Variants in MYOF observed in about 807,000 individuals in gnomAD.
MYOF encodes fer-1-like 3, myoferlin.
Under a neutral mutation model 284.2 loss-of-function variants are expected in MYOF, and 244 were observed. The observed-to-expected ratio is 0.86, with a 90% confidence interval of 0.77 to 0.95. The LOEUF is 0.95. Among genes scored for constraint, MYOF ranks in the 40% least tolerant of loss-of-function variants. The pLI is 0.00. For missense variants in MYOF, 2,496 were observed against 2,560.6 expected, an observed-to-expected ratio of 0.97 and a Z score of 0.54; for synonymous variants, 904 against 919.7, an observed-to-expected ratio of 0.98 and a Z score of 0.31.
intron 3 of MYOF, among the ~76,000 whole-genome samples, chr10:93,450,264 C>T (rs1216945040): frequency 6.6e-6 from 1 of 152,166 alleles, no homozygotes; most frequent in East Asian, 1.9e-4. Flanking sequence ...TGGTGGCACA[C>T]GCCTGTAGTC....
chr10:93,462,344 A>T (rs1189492391), intron 1 of MYOF, among the ~76,000 whole-genome samples: 4 of 152,182 alleles, frequency 2.6e-5, no homozygotes, highest in Non-Finnish European at 5.9e-5. Flanking sequence ...TGCTGGGATT[A>T]CAGGCGTGAG....
At chr10:93,361,915 T>A (rs192222617) in intron 27 of MYOF, among the ~76,000 whole-genome samples, 3 of 152,324 alleles carry the variant, frequency 2.0e-5, no homozygotes, top group Admixed American at 2.0e-4. Flanking sequence ...ATAGAACCCA[T>A]CAGAGAATGG....
intron 23 of MYOF, 49 bp downstream of exon 23, chr10:93,374,714 G>A: frequency 6.4e-7 from 1 of 1,559,162 alleles, no homozygotes; most frequent in Non-Finnish European, 8.7e-7. Flanking sequence ...CCATTTCGCA[G>A]AGCCCTTCTT....
At chr10:93,357,956 C>G (rs1844890314) in intron 29 of MYOF, among the ~76,000 whole-genome samples, 1 of 152,050 alleles carries the variant, frequency 6.6e-6, no homozygotes, top group Admixed American at 6.6e-5. Flanking sequence ...AATAGAGAGA[C>G]ATTCATTAAA....
chr10:93,418,852 A>G (rs970145480), intron 5 of MYOF, among the ~76,000 whole-genome samples: 3 of 152,196 alleles, frequency 2.0e-5, no homozygotes, highest in Non-Finnish European at 4.4e-5. Context: ...ATTTTCCTAA[A>G]TATCCTAGAG....
At chr10:93,384,676 T>C (rs188762984) in intron 19 of MYOF, among the ~76,000 whole-genome samples, 1 of 151,400 alleles carries the variant, frequency 6.6e-6, no homozygotes, top group East Asian at 1.9e-4. Context: ...GAATGTAAGT[T>C]GTAGTCTATT....
chr10:93,346,098 A>G (rs565943764), intron 37 of MYOF, among the ~76,000 whole-genome samples: 4 of 152,364 alleles, frequency 2.6e-5, no homozygotes, highest in African/African-American at 9.6e-5. Context: ...CTGCAATTAC[A>G]ACAATCCTTG....
intron 52 of MYOF, 49 bp from the exon 53 acceptor site, chr10:93,310,216 T>A (rs374361965): frequency 1.3e-6 from 2 of 1,593,412 alleles, no homozygotes; most frequent in African/African-American, 2.7e-5. Context: ...GAGGGATGCA[T>A]ATTTTATTCC....
chr10:93,351,914 C>T, intron 32 of MYOF, 68 bp from the exon 33 acceptor site: 2 of 1,364,750 alleles, frequency 1.5e-6, no homozygotes, highest in South Asian at 2.7e-5. Context: ...CCACTCAGTG[C>T]AACCATATTC....
intron 5 of MYOF, 67 bp downstream of exon 5, chr10:93,426,004 C>G (rs747859430): frequency 1.5e-4 from 226 of 1,469,458 alleles, no homozygotes; most frequent in Non-Finnish European, 1.9e-4. Context: ...TTTCTCCAGA[C>G]ACTCTCCTGT....
At chr10:93,403,029 C>A in intron 9 of MYOF, 139 bp from the exon 10 acceptor site, 1 of 706,452 alleles carries the variant, frequency 1.4e-6, no homozygotes. Flanking sequence ...CCGTCTTATC[C>A]TCTCTGTATC....
chr10:93,400,327 TTC>T (rs201354413), intron 12 of MYOF, among the ~76,000 whole-genome samples: 13,154 of 105,694 alleles, frequency 0.12, 684 homozygotes, highest in Middle Eastern at 0.22. Context: ...CTTCTTCTTC[TTC>T]TTTTTTTTTT....
At chr10:93,391,199 C>G (rs1179262131) in intron 17 of MYOF, among the ~76,000 whole-genome samples, 1 of 152,206 alleles carries the variant, frequency 6.6e-6, no homozygotes, top group Non-Finnish European at 1.5e-5. Flanking sequence ...CAACAAATCT[C>G]TTTTCTGGTA....
intron 3 of MYOF, among the ~76,000 whole-genome samples, chr10:93,439,283 C>T (rs557672897): frequency 6.6e-6 from 1 of 152,314 alleles, no homozygotes; most frequent in East Asian, 1.9e-4. Context: ...TCTGTGGCTG[C>T]GAGGAGCAGG....
intron 22 of MYOF, among the ~76,000 whole-genome samples, chr10:93,376,715 C>T (rs761369444): frequency 1.5e-4 from 23 of 152,126 alleles, no homozygotes; most frequent in African/African-American, 7.2e-5. Context: ...GAGTTTGGAA[C>T]GAATCACTTC....
intron 18 of MYOF, 65 bp downstream of exon 18, chr10:93,388,965 A>C: frequency 6.4e-7 from 1 of 1,563,134 alleles, no homozygotes; most frequent in Non-Finnish European, 8.7e-7. Flanking sequence ...TTGATCAGAC[A>C]TTATAAGAAG....
intron 9 of MYOF, among the ~76,000 whole-genome samples, chr10:93,403,297 T>C (rs1333440463): frequency 6.6e-6 from 1 of 152,246 alleles, no homozygotes; most frequent in Non-Finnish European, 1.5e-5. Flanking sequence ...AATGCTACTA[T>C]TAATATAACC....
chr10:93,306,840 G>T lies in MYOF; in HGVS notation c.*123C>A, dbSNP rs542606598. On this transcript the variant is annotated 3_prime_UTR_variant, in exon 54 of 54. Transcript: ENST00000359263. ...GACCCTCTGGGAATCAATGGGGCTC[G>T]GTGACATGGCGTAACCTGCTACTGG... The T allele has an allele frequency of 5.1e-5, 52 of 1,010,668 alleles. No individual in the cohort carries two copies. In the South Asian group the frequency reaches 6.7e-4, roughly 13 times the overall value. The allele number at this position is 1,010,668 out of a possible 1,614,324, so 62.6% of individuals were successfully genotyped here.
rs1264675064 is a variant in MYOF, at chr10:93,377,383, G to A, written c.2048C>T (p.Pro683Leu). Residue 683 changes from proline (P) to leucine (L), a missense_variant, in exon 22 of 54, where the codon CCT becomes CTT. Physicochemically the swap from Pro to Leu is moderately conservative, Grantham distance 98. This residue lies in a region of MYOF where 2,436 missense variants were observed against 2,480.7 expected (regional missense o/e 0.98). Transcript: ENST00000359263. ...CCACAATTCAGCCAGCTGGTTTGCA[G>A]GAATTTTACCTTGTATCCCTGATTT... is the stretch of plus-strand genomic sequence containing the variant. ...ALKSGIQGKI[P>L]ANQLAELWLK... is the part of the protein sequence containing the mutation. The A allele has an allele frequency of 6.2e-7, 1 of 1,614,024 alleles. No homozygotes were observed. The highest frequency in any genetic ancestry group is 1.3e-5 in the African/African-American group (1 of 75,004).
Sources: allele counts gnomAD v4.1 joint callset (sites outside exome capture counted in the v4.1 genomes callset), GRCh38; gene constraint gnomAD v4.1.1; regional missense constraint gnomAD v4.1.1; transcripts MANE v1.5; gene names NCBI Gene and HGNC (gene_info 2026-07-23, HGNC 2026-07-21).